ATXN1: variants seen among roughly 807,000 people sequenced by gnomAD.
ATXN1 encodes ataxin-1.
A neutral mutation model predicts 56.4 loss-of-function variants in ATXN1; 8 were observed. The observed-to-expected ratio is 0.14, with a 90% CI of 0.08 to 0.26. ATXN1 has a LOEUF of 0.26. Ranked by LOEUF, ATXN1 falls within the 10% of genes least tolerant of loss-of-function variation. ATXN1 has a pLI of 1.00. For missense variants in ATXN1, 987 were observed against 1,106.5 expected, an observed-to-expected ratio of 0.89 and a Z score of 1.53; for synonymous variants, 514 against 494.6, an observed-to-expected ratio of 1.04 and a Z score of -0.52.
intron 5 of ATXN1, among the ~76,000 whole-genome samples, chr6:16,500,533 C>A (rs1182617000): frequency 6.6e-6 from 1 of 151,968 alleles, no homozygotes; most frequent in African/African-American, 2.4e-5. Flanking sequence ...ATTTACCTTT[C>A]TTTCTCTATA....
chr6:16,439,106 T>C (rs930960753), intron 6 of ATXN1, among the ~76,000 whole-genome samples: 1 of 151,906 alleles, frequency 6.6e-6, no homozygotes, highest in African/African-American at 2.4e-5. Context: ...TGTCAAAAGG[T>C]GCTAAATCTA....
chr6:16,313,894 A>G (rs531527697), intron 7 of ATXN1, among the ~76,000 whole-genome samples: 18 of 152,178 alleles, frequency 1.2e-4, no homozygotes, highest in Non-Finnish European at 1.9e-4. Flanking sequence ...TAACCTAGAT[A>G]GGCTTGGGAG....
chr6:16,534,811 C>T (rs781634179), intron 4 of ATXN1, among the ~76,000 whole-genome samples: 11 of 152,252 alleles, frequency 7.2e-5, no homozygotes, highest in Non-Finnish European at 2.9e-5. Context: ...GCCTCCTCAT[C>T]TGGAATAAAC....
At position 16,440,649 on chromosome 6, in the gene ATXN1, A is replaced by AAAAAAAAAAAAAAAAAAAAAAAG. The variant is rs56105499; in HGVS notation, c.-161+45322_-161+45323insCTTTTTTTTTTTTTTTTTTTTTT. On this transcript the variant is annotated intron_variant, in intron 6 of 7. Coordinates refer to ENST00000436367, the MANE Select transcript of ATXN1 (RefSeq NM_001128164.2). ...GAGTGAGACCCTGTCTTAAAAAAAAAAAAGAAAAGAAAAGAAAAAATTAAA... is the reference window on the plus strand; with the variant it reads ...GAGTGAGACCCTGTCTTAAAAAAAAAAAAAAAAAAAAAAAAAAAAAAAGAAAGAAAAGAAAAGAAAAAATTAAA... Among the ~76,000 whole-genome samples, 232 of 113,596 alleles carry AAAAAAAAAAAAAAAAAAAAAAAG rather than the reference A, an allele frequency of 2.0e-3. 14 individuals carry two copies. Among genetic ancestry groups the AAAAAAAAAAAAAAAAAAAAAAAG allele is most frequent in the African/African-American group, 6.7e-3 (183 of 27,180 alleles). 74.5% of individuals were successfully genotyped at this position (113,596 alleles called of 152,430 possible).
At chr6:16,522,839 G>A (rs1019424039) in intron 4 of ATXN1, among the ~76,000 whole-genome samples, 151 bp from the exon 5 acceptor site, 7 of 152,158 alleles carry the variant, frequency 4.6e-5, no homozygotes, top group African/African-American at 1.7e-4. Context: ...AACAATAGAT[G>A]CGTGATTATT....
intron 5 of ATXN1, among the ~76,000 whole-genome samples, chr6:16,520,000 C>A (rs1294462438): frequency 6.6e-6 from 1 of 152,244 alleles, no homozygotes; most frequent in African/African-American, 2.4e-5. Context: ...CCAGGATACA[C>A]TGGCTGTCAC....
At chr6:16,470,973 C>T (rs942135601) in intron 6 of ATXN1, among the ~76,000 whole-genome samples, 30 of 152,072 alleles carry the variant, frequency 2.0e-4, no homozygotes, top group African/African-American at 7.2e-4. Flanking sequence ...GGTACCTAGA[C>T]TGATGTGAGG....
intron 1 of ATXN1, among the ~76,000 whole-genome samples, chr6:16,756,758 T>G (rs1760899837): frequency 1.3e-5 from 2 of 152,236 alleles, no homozygotes; most frequent in Admixed American, 6.5e-5. Flanking sequence ...TGTGTTATTT[T>G]CAGATAACTA....
intron 2 of ATXN1, among the ~76,000 whole-genome samples, chr6:16,728,318 A>T (rs1581398660): frequency 6.6e-6 from 1 of 152,206 alleles, no homozygotes; most frequent in East Asian, 1.9e-4. Context: ...GCTGGGGAAA[A>T]CTTTCCGTCC....
intron 2 of ATXN1, among the ~76,000 whole-genome samples, chr6:16,689,208 G>T (rs536789542): frequency 6.6e-6 from 1 of 152,296 alleles, no homozygotes; most frequent in Non-Finnish European, 1.5e-5. Flanking sequence ...GAGTCTGCAT[G>T]ACTCATGAGG....
At chr6:16,498,360 T>TA (rs1362700902) in intron 5 of ATXN1, among the ~76,000 whole-genome samples, 2 of 152,260 alleles carry the variant, frequency 1.3e-5, no homozygotes, top group Non-Finnish European at 2.9e-5. Context: ...TATTGTAGGC[T>TA]ATACCACATT....
intron 6 of ATXN1, among the ~76,000 whole-genome samples, chr6:16,391,463 T>A (rs9464897): frequency 0.14 from 20,903 of 152,154 alleles, 1,641 homozygotes; most frequent in African/African-American, 0.21. Flanking sequence ...TGGTATTTTT[T>A]AAAAACATTT....
chr6:16,700,103 T>C (rs1392055417), intron 2 of ATXN1, among the ~76,000 whole-genome samples: 1 of 152,106 alleles, frequency 6.6e-6, no homozygotes, highest in Non-Finnish European at 1.5e-5. Flanking sequence ...ATGAAACACA[T>C]GTGGTAGGCA....
rs79488288 is a variant in ATXN1 at position 16,513,063 on chromosome 6, C to A, written c.-299+9564G>T. ...CAGTGCAAAGCACATTTCAAAAGTTCAGCCAACGGCTAGGAAAATGTTTGG... is the reference window on the plus strand; with the variant it reads ...CAGTGCAAAGCACATTTCAAAAGTTAAGCCAACGGCTAGGAAAATGTTTGG... On this transcript the variant is annotated intron_variant, in intron 5 of 7. Coordinates refer to ENST00000436367, the MANE Select transcript of ATXN1 (RefSeq NM_001128164.2). Among the ~76,000 whole-genome samples, 627 of 152,350 alleles carry A rather than the reference C, an allele frequency of 4.1e-3. 2 individuals are homozygous for A. The highest frequency in any genetic ancestry group is 7.1e-3 in the Non-Finnish European group (483 of 68,030).
At chr6:16,345,075 C>T (rs1047074922) in intron 6 of ATXN1, among the ~76,000 whole-genome samples, 5 of 152,170 alleles carry the variant, frequency 3.3e-5, no homozygotes, top group African/African-American at 9.7e-5. Context: ...AGTTTGTCTT[C>T]CTTACAAGCT....
intron 6 of ATXN1, among the ~76,000 whole-genome samples, chr6:16,347,139 C>T (rs1292391338): frequency 6.6e-6 from 1 of 152,242 alleles, no homozygotes; most frequent in Admixed American, 6.5e-5. Context: ...CCGTGGGCTC[C>T]TGTGCAGCCA....
chr6:16,579,275 CTA>C (rs1256644544), intron 4 of ATXN1, among the ~76,000 whole-genome samples: 2 of 152,162 alleles, frequency 1.3e-5, no homozygotes, highest in Admixed American at 6.5e-5. Flanking sequence ...AAAAAACACT[CTA>C]TGCAGCCACT....
chr6:16,620,681 A>G (rs1186397868), intron 3 of ATXN1, among the ~76,000 whole-genome samples: 1 of 152,166 alleles, frequency 6.6e-6, no homozygotes, highest in African/African-American at 2.4e-5. Flanking sequence ...GTTGGCCCAT[A>G]TATGCCCCCC....
At chr6:16,570,214 G>A (rs1762307826) in intron 4 of ATXN1, among the ~76,000 whole-genome samples, 1 of 152,194 alleles carries the variant, frequency 6.6e-6, no homozygotes, top group African/African-American at 2.4e-5. Context: ...ACACCGCTGA[G>A]ATTTTATAAT....
Sources: gnomAD v4.1 joint callset for allele counts (sites outside exome capture counted in the v4.1 genomes callset) on GRCh38, gnomAD v4.1.1 for gene constraint, MANE v1.5 for transcripts, NCBI Gene and HGNC (gene_info 2026-07-23, HGNC 2026-07-21) for gene names.